Variants in TENM3 observed in about 807,000 individuals in gnomAD.
TENM3 encodes the protein teneurin transmembrane protein 3, also known as teneurin-3.
TENM3 carries 63 observed loss-of-function variants against 255.1 expected under a neutral mutation model. The ratio of observed to expected loss-of-function variants is 0.25; its 90% CI spans 0.20 to 0.30. TENM3 has a LOEUF of 0.30. Ranked by LOEUF, TENM3 falls within the 10% of genes least tolerant of loss-of-function variation. The pLI is 1.00. For missense variants in TENM3, 2,929 were observed against 3,461.1 expected (o/e 0.85, Z 3.86); for synonymous variants, 1,306 against 1,322.3 (o/e 0.99, Z 0.27).
intron 3 of TENM3, among the ~76,000 whole-genome samples, chr4:182,547,143 G>A (rs922627825): frequency 6.6e-6 from 1 of 152,026 alleles, no homozygotes; most frequent in African/African-American, 2.4e-5. Context: ...AGAGAATTAC[G>A]GTAAAACAGA....
intron 3 of TENM3, among the ~76,000 whole-genome samples, chr4:182,521,439 A>G (rs1397600034): frequency 6.6e-6 from 1 of 152,198 alleles, no homozygotes; most frequent in Non-Finnish European, 1.5e-5. Flanking sequence ...TTTTGGAACA[A>G]TGCTTTTTCA....
intron 3 of TENM3, among the ~76,000 whole-genome samples, chr4:182,546,550 C>G (rs565424831): frequency 5.3e-4 from 80 of 152,278 alleles, no homozygotes; most frequent in Non-Finnish European, 9.8e-4. Flanking sequence ...ATCCTTCTGC[C>G]TTGGCCTCCC....
chr4:182,219,724 C>T (rs1755733615), intron 1 of TENM3, among the ~76,000 whole-genome samples: 1 of 152,072 alleles, frequency 6.6e-6, no homozygotes, highest in African/African-American at 2.4e-5. Context: ...TCTTTAAAAT[C>T]CAATTTTAAA....
chr4:182,486,947 C>T (rs1024769761), intron 3 of TENM3, among the ~76,000 whole-genome samples: 1 of 152,172 alleles, frequency 6.6e-6, no homozygotes, highest in Non-Finnish European at 1.5e-5. Context: ...AGAAACGGAA[C>T]AAAGCATTGT....
chr4:182,371,982 T>C (rs889944542), intron 3 of TENM3, among the ~76,000 whole-genome samples: 2 of 152,238 alleles, frequency 1.3e-5, no homozygotes, highest in African/African-American at 4.8e-5. Context: ...ACGAACCTGA[T>C]ATTTCAGTTT....
At chr4:182,042,510 G>T in the TENM3 span, among the ~76,000 whole-genome samples, 2 of 152,146 alleles carry the variant, frequency 1.3e-5, no homozygotes, top group Non-Finnish European at 2.9e-5. Flanking sequence ...GGCTTAATGG[G>T]TTGAACTCTG....
At chr4:182,081,389 G>T in the TENM3 span, among the ~76,000 whole-genome samples, 1 of 151,982 alleles carries the variant, frequency 6.6e-6, no homozygotes, top group Non-Finnish European at 1.5e-5. Context: ...TTCGAGACCA[G>T]CCTGGCCAAT....
intron 26 of TENM3, among the ~76,000 whole-genome samples, chr4:182,795,938 A>G (rs1766468572): frequency 6.6e-6 from 1 of 152,230 alleles, no homozygotes; most frequent in Non-Finnish European, 1.5e-5. Context: ...ATAGAATAAA[A>G]GCCTTATTCT....
chr4:181,960,644 T>C, the TENM3 span, among the ~76,000 whole-genome samples: 1 of 152,194 alleles, frequency 6.6e-6, no homozygotes, highest in African/African-American at 2.4e-5. Context: ...TAAAGAGGGC[T>C]GATAGTTTCT....
At chr4:182,144,679 C>G (rs1023897970), upstream of TENM3, 1 of 146,778 alleles carries the variant, frequency 6.8e-6, no homozygotes, top group African/African-American at 2.5e-5. Context: ...TGGCCCGGCG[C>G]GGTGTGCGCG....
At chr4:181,589,880 C>G in the TENM3 span, among the ~76,000 whole-genome samples, 20 of 152,236 alleles carry the variant, frequency 1.3e-4, no homozygotes, top group East Asian at 3.9e-3. Context: ...CTTCTAGTAT[C>G]GAGAGGACAT....
At chr4:182,386,456 G>T (rs1228792319) in intron 3 of TENM3, among the ~76,000 whole-genome samples, 2 of 152,376 alleles carry the variant, frequency 1.3e-5, no homozygotes, top group South Asian at 4.1e-4. Context: ...TTCCCACTTT[G>T]GCGGCACTTG....
intron 2 of TENM3, among the ~76,000 whole-genome samples, chr4:182,330,713 A>T (rs935540889): frequency 6.6e-6 from 1 of 152,250 alleles, no homozygotes; most frequent in Non-Finnish European, 1.5e-5. Context: ...CAACTGAATT[A>T]GAATCATGGC....
the TENM3 span, among the ~76,000 whole-genome samples, chr4:181,907,903 T>G: frequency 3.3e-5 from 5 of 152,284 alleles, no homozygotes; most frequent in African/African-American, 4.8e-5. Context: ...TTTAAAGAAG[T>G]ATTTCCTATT....
At chr4:182,442,659 A>G (rs997652727) in intron 3 of TENM3, among the ~76,000 whole-genome samples, 1 of 151,944 alleles carries the variant, frequency 6.6e-6, no homozygotes, top group Non-Finnish European at 1.5e-5. Context: ...TGGCACAATC[A>G]TGGCTCACTG....
chr4:182,550,901 T>C (rs1741933118), intron 3 of TENM3, among the ~76,000 whole-genome samples: 1 of 152,110 alleles, frequency 6.6e-6, no homozygotes, highest in South Asian at 2.1e-4. Flanking sequence ...GTAAACCAGT[T>C]GGGAGATGAT....
chr4:182,086,494 G>C, the TENM3 span, among the ~76,000 whole-genome samples: 2 of 152,184 alleles, frequency 1.3e-5, no homozygotes, highest in Non-Finnish European at 2.9e-5. Context: ...TGAGAAAATG[G>C]GAGAGGAAGC....
chr4:181,782,757 T>C, the TENM3 span, among the ~76,000 whole-genome samples: 2 of 152,234 alleles, frequency 1.3e-5, no homozygotes, highest in African/African-American at 2.4e-5. Context: ...TGCGGGTGTT[T>C]AGTGCTATAA....
the TENM3 span, among the ~76,000 whole-genome samples, chr4:181,884,820 T>C: frequency 9.2e-4 from 140 of 152,306 alleles, 1 homozygote; most frequent in African/African-American, 3.1e-3. Context: ...TCTCAGTTAC[T>C]TTGCTGACCT....
Sources: allele counts gnomAD v4.1 joint callset (sites outside exome capture counted in the v4.1 genomes callset), GRCh38; gene constraint gnomAD v4.1.1; transcripts MANE v1.5; gene names NCBI Gene and HGNC (gene_info 2026-07-23, HGNC 2026-07-21).